The following GFM2 variants were observed in gnomAD, a reference collection of about 807,000 sequenced individuals.
GFM2 encodes GTP dependent ribosome recycling factor mitochondrial 2.
A neutral mutation model predicts 95.4 loss-of-function variants in GFM2; 72 were observed. The observed-to-expected ratio is 0.76, with a 90% CI of 0.62 to 0.92. The LOEUF (loss-of-function observed/expected upper bound fraction) is 0.92. Ranked by LOEUF, GFM2 falls within the 40% of genes least tolerant of loss-of-function variation. The pLI, the probability that GFM2 is intolerant of heterozygous loss-of-function variation, is 0.00. For synonymous variants in GFM2, 276 were observed against 317.5 expected, an observed-to-expected ratio of 0.87 and a Z score of 1.39; for missense variants, 825 against 924.1, an observed-to-expected ratio of 0.89 and a Z score of 1.39.
At chr5:74,766,615 CA>C (rs1744631687) in intron 1 of GFM2, among the ~76,000 whole-genome samples, 2 of 152,166 alleles carry the variant, frequency 1.3e-5, no homozygotes, top group Non-Finnish European at 2.9e-5. Context: ...CCTGTACCTC[CA>C]AAAAACCAGA....
At chr5:74,741,041 T>C (rs1179620361) in intron 11 of GFM2, among the ~76,000 whole-genome samples, 1 of 152,192 alleles carries the variant, frequency 6.6e-6, no homozygotes, top group Non-Finnish European at 1.5e-5. Context: ...ATTCAGTTAC[T>C]ATCAATATTT....
Position 74,747,740 on chromosome 5 carries a change from T to C in GFM2, c.560A>G (p.Asn187Ser), listed in dbSNP as rs1378526932. ...LTVWRQADKH[N>S]IPRICFLNKM... ...GTTTAAAAAACAGATTCGAGGTATA[T>C]TGTGTTTATCAGCTTGCCTCCATAC... The change falls in exon 8 of 21, where the codon AAT becomes AGT. Residue 187 changes from asparagine (N) to serine (S), a missense_variant. Asn to Ser is a conservative substitution (Grantham distance 46, BLOSUM62 1). Transcript: ENST00000296805. 5.6e-6 allele frequency: 9 copies of C among 1,612,592 alleles called. No homozygotes were observed. The highest frequency in any genetic ancestry group is 1.3e-5 in the African/African-American group (1 of 75,006).
chr5:74,763,746 G>A lies in GFM2; in HGVS notation c.-4C>T. ...ATATCCTCAAGTTGGTCAACATCTT[G>A]ATCCTCCAAACTGTTACTGTCTGAA... On this transcript the variant is annotated 5_prime_UTR_variant, in exon 2 of 21. It introduces an in-frame stop codon into an upstream open reading frame of the 5' UTR. Coordinates refer to ENST00000296805, the MANE Select transcript of GFM2 (RefSeq NM_032380.5). 1 of 1,603,958 alleles carries A rather than the reference G, an allele frequency of 6.2e-7. No homozygotes were observed. Among genetic ancestry groups the A allele is most frequent in the East Asian group, 2.2e-5 (1 of 44,724 alleles).
rs773797714 is a variant in GFM2 at position 74,738,375 on chromosome 5, A to G, written c.1263T>C (p.His421=). Residue 421 remains histidine, a synonymous_variant, in exon 14 of 21, where the codon CAT becomes CAC. Transcript: ENST00000296805. ...SRLLLPFADQ[H]VEIPSLTAGN... is the part of the protein sequence containing the mutation. ...CAGCAGTCAATGAAGGGATTTCTAC[A>G]TGTTGGTCAGCAAACGGCAAAAGCA... The G allele has an allele frequency of 7.4e-6, 12 of 1,613,574 alleles. No individual in the cohort carries two copies. In the Admixed American group the frequency reaches 2.0e-4, roughly 27 times the overall value.
chr5:74,738,056 A>G (rs935937555), intron 14 of GFM2, among the ~76,000 whole-genome samples: 2 of 152,172 alleles, frequency 1.3e-5, no homozygotes, highest in Non-Finnish European at 2.9e-5. Flanking sequence ...GTATATACAT[A>G]TATATCCATA....
chr5:74,759,429 A>G lies in GFM2; in HGVS notation c.149-3T>C, dbSNP rs1339645103. The G allele has an allele frequency of 1.3e-5, 19 of 1,469,884 alleles. No homozygotes were observed. The highest frequency in any genetic ancestry group is 1.8e-5 in the Non-Finnish European group (19 of 1,062,770). The allele number at this position is 1,469,884 out of a possible 1,614,324, so 91.1% of individuals were successfully genotyped here. ...TTTGATATCATTTCCTATTAAGCCT[A>G]ATGAAAAGAAAGTTAAAATTGAACT... On this transcript the variant is annotated splice_region_variant and splice_polypyrimidine_tract_variant and intron_variant, in intron 3 of 20. Coordinates refer to ENST00000296805, the MANE Select transcript of GFM2 (RefSeq NM_032380.5).
chr5:74,746,496 T>G (rs1743395047), intron 8 of GFM2, among the ~76,000 whole-genome samples: 1 of 152,210 alleles, frequency 6.6e-6, no homozygotes, highest in African/African-American at 2.4e-5. Flanking sequence ...CAGTTGGGAT[T>G]CCAATGCAAG....
intron 7 of GFM2, 78 bp downstream of exon 7, chr5:74,750,501 G>A: frequency 2.1e-6 from 2 of 951,666 alleles, no homozygotes; most frequent in Non-Finnish European, 1.6e-6. Flanking sequence ...GATGGTTACA[G>A]TTAACTAAAT....
intron 2 of GFM2, 87 bp downstream of exon 2, chr5:74,763,593 C>A: frequency 1.5e-6 from 1 of 686,886 alleles, no homozygotes. Flanking sequence ...AATTTGGAAT[C>A]AACAGCTGAT....
chr5:74,764,428 C>T (rs942481492), intron 1 of GFM2, among the ~76,000 whole-genome samples: 1 of 152,184 alleles, frequency 6.6e-6, no homozygotes, highest in Non-Finnish European at 1.5e-5. Flanking sequence ...AGGCCACATG[C>T]GGCCCACGAT....
At chr5:74,765,734 C>T (rs946932003) in intron 1 of GFM2, among the ~76,000 whole-genome samples, 1 of 152,068 alleles carries the variant, frequency 6.6e-6, no homozygotes, top group African/African-American at 2.4e-5. Context: ...CGGTGGCTCA[C>T]GCCTGTAATT....
chr5:74,745,887 A>G, intron 9 of GFM2, 30 bp from the exon 10 acceptor site: 2 of 1,543,978 alleles, frequency 1.3e-6, no homozygotes, highest in Admixed American at 3.7e-5. Context: ...TAACATTATT[A>G]CATGATCACT....
chr5:74,733,692 G>GA (rs1561240962), intron 15 of GFM2, among the ~76,000 whole-genome samples: 1 of 152,148 alleles, frequency 6.6e-6, no homozygotes, highest in African/African-American at 2.4e-5. Flanking sequence ...TTTGCACTGC[G>GA]AAGCCACTGA....
chr5:74,722,168 A>G (rs1382878047), intron 20 of GFM2: 19 of 558,092 alleles, frequency 3.4e-5, no homozygotes, highest in Non-Finnish European at 6.3e-6. Flanking sequence ...TTGGGACTGT[A>G]AATACCCCCT....
intron 10 of GFM2, 104 bp downstream of exon 10, chr5:74,745,574 C>G (rs1485428483): frequency 1.1e-6 from 1 of 889,868 alleles, no homozygotes; most frequent in Non-Finnish European, 1.7e-6. Context: ...TTGGTATCCA[C>G]AGGAGGTCCT....
chr5:74,730,485 C>G (rs1742502797), intron 16 of GFM2, 87 bp from the exon 17 acceptor site: 1 of 850,342 alleles, frequency 1.2e-6, no homozygotes, highest in African/African-American at 1.8e-5. Flanking sequence ...TTAATACATA[C>G]TTATTTTTAA....
chr5:74,750,719 T>C (rs747563582), intron 6 of GFM2, 52 bp from the exon 7 acceptor site: 1 of 1,308,904 alleles, frequency 7.6e-7, no homozygotes, highest in Non-Finnish European at 1.1e-6. Context: ...AACCATCATA[T>C]GATCCAGCAA....
chr5:74,763,573 G>A (rs1744392253), intron 2 of GFM2, 107 bp downstream of exon 2: 1 of 616,974 alleles, frequency 1.6e-6, no homozygotes, highest in Non-Finnish European at 3.0e-6. Flanking sequence ...CAAAGGTTAT[G>A]ACTCAACTAA....
intron 10 of GFM2, among the ~76,000 whole-genome samples, chr5:74,745,342 C>G (rs1180783156): frequency 6.6e-6 from 1 of 152,034 alleles, no homozygotes; most frequent in Non-Finnish European, 1.5e-5. Context: ...AAGACTCCAT[C>G]TCAACGAAAA....
Sources: gnomAD v4.1 joint callset for allele counts (sites outside exome capture counted in the v4.1 genomes callset) on GRCh38, gnomAD v4.1.1 for gene constraint, MANE v1.5 for transcripts, NCBI Gene and HGNC (gene_info 2026-07-23, HGNC 2026-07-21) for gene names.